ARHGAP24: variants seen among roughly 807,000 people sequenced by gnomAD.
ARHGAP24 encodes rho GTPase-activating protein 24.
Under a neutral mutation model 76.4 loss-of-function variants are expected in ARHGAP24, and 50 were observed. The observed-to-expected ratio is 0.65, with a 90% confidence interval of 0.52 to 0.83. The LOEUF (loss-of-function observed/expected upper bound fraction) is 0.83. Among genes scored for constraint, ARHGAP24 ranks in the 40% least tolerant of loss-of-function variants. The pLI is 0.00. For missense variants in ARHGAP24, 930 were observed against 914.2 expected (o/e 1.02, Z -0.22); for synonymous variants, 345 against 323.3 (o/e 1.07, Z -0.72).
At chr4:85,499,309 A>G (rs1271935939) in intron 1 of ARHGAP24, among the ~76,000 whole-genome samples, 1 of 152,340 alleles carries the variant, frequency 6.6e-6, no homozygotes, top group South Asian at 2.1e-4. Flanking sequence ...TCAAGCCTCT[A>G]GTTTTATAAA....
At position 85,799,543 on chromosome 4, in the gene ARHGAP24, A is replaced by G. The variant is rs540575330; in HGVS notation, c.268+77571A>G. ...TATTCTTTCTTATAGAAAATTCCAAATCACAAATATCCAAAGAATAAGGAA... is the reference window on the plus strand; with the variant it reads ...TATTCTTTCTTATAGAAAATTCCAAGTCACAAATATCCAAAGAATAAGGAA... On this transcript the variant is annotated intron_variant, in intron 3 of 9. Transcript: ENST00000395184. 2.6e-5 allele frequency among the ~76,000 whole-genome samples: 4 copies of G among 152,318 alleles called. No homozygotes were observed. In the East Asian group the frequency reaches 7.7e-4, roughly 29 times the overall value.
At chr4:85,885,683 T>A (rs879917236) in intron 3 of ARHGAP24, among the ~76,000 whole-genome samples, 69 of 152,200 alleles carry the variant, frequency 4.5e-4, no homozygotes, top group Admixed American at 5.2e-4. Context: ...AAAATAGTAG[T>A]TCTTGGAGTC....
At chr4:85,737,199 T>TCA (rs1423103976) in intron 3 of ARHGAP24, among the ~76,000 whole-genome samples, 1 of 152,142 alleles carries the variant, frequency 6.6e-6, no homozygotes, top group Non-Finnish European at 1.5e-5. Flanking sequence ...CAGACCTGAG[T>TCA]CATAAGTGAC....
chr4:85,761,850 T>C (rs1387809347), intron 3 of ARHGAP24, among the ~76,000 whole-genome samples: 1 of 152,194 alleles, frequency 6.6e-6, no homozygotes, highest in East Asian at 1.9e-4. Flanking sequence ...GTTCTTTTCC[T>C]GGGAAAAGCA....
intron 1 of ARHGAP24, among the ~76,000 whole-genome samples, chr4:85,496,164 TGA>T (rs1029929490): frequency 4.6e-5 from 7 of 152,114 alleles, no homozygotes; most frequent in African/African-American, 1.4e-4. Flanking sequence ...TTATGAAGAG[TGA>T]GTGTTTAGAG....
At chr4:85,631,682 T>A (rs1190868528) in intron 2 of ARHGAP24, among the ~76,000 whole-genome samples, 1 of 152,132 alleles carries the variant, frequency 6.6e-6, no homozygotes, top group Non-Finnish European at 1.5e-5. Flanking sequence ...CTCAATTTAC[T>A]TTTTCAAGTT....
At chr4:85,791,460 C>T (rs1416846854) in intron 3 of ARHGAP24, among the ~76,000 whole-genome samples, 2 of 152,116 alleles carry the variant, frequency 1.3e-5, no homozygotes, top group Non-Finnish European at 2.9e-5. Context: ...AAGGTATTCA[C>T]CAAATATTTC....
intron 2 of ARHGAP24, among the ~76,000 whole-genome samples, chr4:85,705,312 A>C (rs1024975561): frequency 6.6e-6 from 1 of 152,154 alleles, no homozygotes; most frequent in Non-Finnish European, 1.5e-5. Context: ...TTAAATTTTA[A>C]TTTTTTGACT....
intron 3 of ARHGAP24, among the ~76,000 whole-genome samples, chr4:85,922,992 G>T (rs1321421646): frequency 2.0e-5 from 3 of 152,132 alleles, no homozygotes; most frequent in African/African-American, 7.2e-5. Flanking sequence ...TCACCCTTAG[G>T]TGCGAGAGCC....
chr4:85,482,574 G>A (rs542991771), intron 1 of ARHGAP24, among the ~76,000 whole-genome samples: 1 of 152,250 alleles, frequency 6.6e-6, no homozygotes, highest in East Asian at 1.9e-4. Flanking sequence ...GATAACAAGT[G>A]CCAGAAGCCA....
chr4:85,897,388 C>G (rs1164290768), intron 3 of ARHGAP24, among the ~76,000 whole-genome samples: 1 of 152,184 alleles, frequency 6.6e-6, no homozygotes, highest in Non-Finnish European at 1.5e-5. Flanking sequence ...TACTGAATTT[C>G]CTTCACTCAT....
intron 5 of ARHGAP24, among the ~76,000 whole-genome samples, chr4:85,954,751 T>C (rs2148835487): frequency 6.6e-6 from 1 of 152,382 alleles, no homozygotes; most frequent in South Asian, 2.1e-4. Context: ...CTCACGCCTG[T>C]AATCCCAGCA....
chr4:85,886,802 T>C (rs577197547), intron 3 of ARHGAP24, among the ~76,000 whole-genome samples: 2 of 152,294 alleles, frequency 1.3e-5, no homozygotes, highest in African/African-American at 2.4e-5. Flanking sequence ...CACACTGATA[T>C]GAAAATAATA....
At chr4:85,572,038 A>T (rs1167897015) in intron 2 of ARHGAP24, among the ~76,000 whole-genome samples, 2 of 152,138 alleles carry the variant, frequency 1.3e-5, no homozygotes, top group Non-Finnish European at 2.9e-5. Flanking sequence ...AGTGGGGAAT[A>T]TGGGGATTAT....
In ARHGAP24 at chr4:85,737,777, G is replaced by A. The variant is rs139251053; in HGVS notation, c.268+15805G>A. Among the ~76,000 whole-genome samples the A allele has an allele frequency of 3.4e-3, 524 of 152,198 alleles. 4 individuals carry two copies. Among genetic ancestry groups the A allele is most frequent in the African/African-American group, 0.012 (479 of 41,526 alleles). ...CACCAACCAACAATGTTAATAAATT[G>A]TATGGAAAGGGTTGATATAAAGGCT... On this transcript the variant is annotated intron_variant, in intron 3 of 9. Transcript: ENST00000395184.
chr4:85,760,130 C>T (rs1463166931), intron 3 of ARHGAP24, among the ~76,000 whole-genome samples: 3 of 151,876 alleles, frequency 2.0e-5, no homozygotes, highest in South Asian at 2.1e-4. Flanking sequence ...TTAATTTAAA[C>T]AACACAAAGT....
intron 2 of ARHGAP24, among the ~76,000 whole-genome samples, chr4:85,635,024 T>C (rs28529791): frequency 0.064 from 9,686 of 151,884 alleles, 1,025 homozygotes; most frequent in African/African-American, 0.22. Context: ...AAGGAACACT[T>C]CAAATCACCA....
intron 2 of ARHGAP24, among the ~76,000 whole-genome samples, chr4:85,592,524 T>A (rs1728160056): frequency 6.6e-6 from 1 of 152,164 alleles, no homozygotes; most frequent in Non-Finnish European, 1.5e-5. Flanking sequence ...AAATTTACAG[T>A]TAAATTATTA....
chr4:85,863,109 C>T (rs1178799290), intron 3 of ARHGAP24, among the ~76,000 whole-genome samples: 3 of 152,120 alleles, frequency 2.0e-5, no homozygotes, highest in African/African-American at 7.2e-5. Flanking sequence ...GCCACTCTCC[C>T]TGTGACATAT....
Sources: allele counts gnomAD v4.1 joint callset (sites outside exome capture counted in the v4.1 genomes callset), GRCh38; gene constraint gnomAD v4.1.1; transcripts MANE v1.5; gene names NCBI Gene and HGNC (gene_info 2026-07-23, HGNC 2026-07-21).